PDE1C: variants seen among roughly 807,000 people sequenced by gnomAD.
The protein encoded by PDE1C is phosphodiesterase 1C, also known as dual specificity calcium/calmodulin-dependent 3',5'-cyclic nucleotide phosphodiesterase 1C.
PDE1C carries 62 observed loss-of-function variants against 93.1 expected under a neutral mutation model. The observed-to-expected ratio is 0.67, with a 90% confidence interval of 0.54 to 0.82. The LOEUF is 0.82. PDE1C is among the 40% of genes least tolerant of loss of function. The probability of loss-of-function intolerance (pLI) is 0.00; values close to 1 mark genes in which losing one functional copy is unlikely to be tolerated. For synonymous variants in PDE1C, 325 were observed against 310.1 expected (o/e 1.05, Z -0.50); for missense variants, 742 against 884.6 (o/e 0.84, Z 2.04).
intron 1 of PDE1C, among the ~76,000 whole-genome samples, chr7:32,426,826 A>G (rs955820837): frequency 3.9e-5 from 6 of 152,192 alleles, no homozygotes; most frequent in Non-Finnish European, 8.8e-5. Flanking sequence ...AGTAAGTTAA[A>G]CTGTAAGCCA....
In PDE1C at chr7:32,094,693, A is replaced by C. The variant is rs1178943360; in HGVS notation, c.308+75092T>G. The stretch of plus-strand genomic sequence containing the variant: ...TCCCTAAGGAAGAGTCCAGCGGTCC[A>C]TTCAGCAGTGAGTTCGTGATGATGG... On this transcript the variant is annotated intron_variant, in intron 3 of 18. Transcript: ENST00000396193. Among the ~76,000 whole-genome samples the C allele has an allele frequency of 2.0e-5, 3 of 152,216 alleles. No individual in the cohort carries two copies. In the East Asian group the frequency reaches 5.8e-4, roughly 29 times the overall value.
intron 7 of PDE1C, among the ~76,000 whole-genome samples, chr7:31,852,272 G>T (rs527473603): frequency 1.2e-3 from 176 of 152,238 alleles, no homozygotes; most frequent in African/African-American, 4.0e-3. Flanking sequence ...CTATACTTTT[G>T]AAAATGATTC....
intron 1 of PDE1C, among the ~76,000 whole-genome samples, chr7:32,361,009 T>C (rs572077526): frequency 2.0e-5 from 3 of 152,258 alleles, no homozygotes; most frequent in Admixed American, 6.5e-5. Flanking sequence ...ATTAGCTCTA[T>C]CCTATTTTAC....
At chr7:31,771,016 G>C (rs1795458634) in intron 17 of PDE1C, among the ~76,000 whole-genome samples, 5 of 151,962 alleles carry the variant, frequency 3.3e-5, no homozygotes, top group Admixed American at 2.6e-4. Flanking sequence ...TTCAGATTTT[G>C]AACCACTTCT....
At chr7:31,842,074 C>A (rs1791971533) in intron 9 of PDE1C, among the ~76,000 whole-genome samples, 2 of 152,124 alleles carry the variant, frequency 1.3e-5, no homozygotes, top group South Asian at 4.1e-4. Flanking sequence ...CAAAAACACC[C>A]TCACAGAAAC....
intron 15 of PDE1C, among the ~76,000 whole-genome samples, chr7:31,809,401 G>C (rs952394924): frequency 1.3e-5 from 2 of 152,118 alleles, no homozygotes; most frequent in African/African-American, 4.8e-5. Context: ...GGAGAAACCC[G>C]AGCTAACTGT....
intron 3 of PDE1C, among the ~76,000 whole-genome samples, chr7:32,094,587 GA>G (rs1797648826): frequency 6.6e-6 from 1 of 152,204 alleles, no homozygotes; most frequent in African/African-American, 2.4e-5. Flanking sequence ...GTGGCTAAGA[GA>G]GTGCCAACCA....
the PDE1C span, among the ~76,000 whole-genome samples, chr7:31,725,709 G>C: frequency 6.6e-6 from 1 of 152,196 alleles, no homozygotes. Context: ...GGGGGAAACT[G>C]GGTGAAGGGT....
intron 3 of PDE1C, among the ~76,000 whole-genome samples, chr7:32,166,653 T>C (rs1393256179): frequency 6.6e-6 from 1 of 152,182 alleles, no homozygotes; most frequent in Non-Finnish European, 1.5e-5. Context: ...CCAAAATCTT[T>C]ATTTCTAAGT....
intron 2 of PDE1C, among the ~76,000 whole-genome samples, chr7:31,981,524 C>G (rs976009970): frequency 6.6e-6 from 1 of 152,142 alleles, no homozygotes; most frequent in Non-Finnish European, 1.5e-5. Flanking sequence ...ACAAATCTCC[C>G]TGGATTTTCA....
intron 13 of PDE1C, 96 bp downstream of exon 13, chr7:31,824,771 C>G (rs1266037489): frequency 6.7e-7 from 1 of 1,489,562 alleles, no homozygotes; most frequent in Non-Finnish European, 9.2e-7. Flanking sequence ...AAGGCAAATG[C>G]CATTATGAAA....
At chr7:31,652,621 A>G in the PDE1C span, 1 of 1,613,638 alleles carries the variant, frequency 6.2e-7, no homozygotes, top group South Asian at 1.1e-5. Flanking sequence ...TCTAAAATCC[A>G]CCCAGGCATG....
chr7:31,912,321 C>T (rs1233924245), intron 2 of PDE1C, among the ~76,000 whole-genome samples: 3 of 152,210 alleles, frequency 2.0e-5, no homozygotes, highest in South Asian at 2.1e-4. Context: ...TTCATTTGCT[C>T]AAAACCATGC....
chr7:32,078,091 C>G, intron 3 of PDE1C: 1 of 923,020 alleles, frequency 1.1e-6, no homozygotes, highest in Non-Finnish European at 1.3e-6. Flanking sequence ...ACTGCTGATG[C>G]TACAAGTCAG....
At chr7:32,297,943 A>C in intron 1 of PDE1C, among the ~76,000 whole-genome samples, 4 of 118,922 alleles carry the variant, frequency 3.4e-5, no homozygotes, top group African/African-American at 3.3e-5. Context: ...CTTTTATAGA[A>C]ACTATTGTTC....
intron 1 of PDE1C, among the ~76,000 whole-genome samples, chr7:32,390,495 T>C (rs914954763): frequency 8.1e-5 from 12 of 148,158 alleles, no homozygotes; most frequent in Admixed American, 2.1e-4. Flanking sequence ...TGGCCAAATA[T>C]GTCAGTAGTG....
chr7:31,854,479 TCACAA>T (rs1793749488), intron 7 of PDE1C, among the ~76,000 whole-genome samples: 1 of 152,166 alleles, frequency 6.6e-6, no homozygotes, highest in South Asian at 2.1e-4. Context: ...AATATGAGTG[TCACAA>T]CTAGTTCATT....
chr7:32,014,421 A>T (rs944749995), intron 2 of PDE1C, among the ~76,000 whole-genome samples: 2 of 152,178 alleles, frequency 1.3e-5, no homozygotes, highest in African/African-American at 4.8e-5. Context: ...ATACACTCTC[A>T]AGAACTTTTA....
rs145393572 is a variant in PDE1C, at chr7:32,145,330, C to T, written c.308+24455G>A. On this transcript the variant is annotated intron_variant, in intron 3 of 18. Coordinates refer to the PDE1C transcript ENST00000396193. Reference sequence around the variant, plus strand: ...TAGCTACTTATTAAATAAAGGACAACAACAGAGTAATGATGCTTCAGGTTT... The same window carrying T: ...TAGCTACTTATTAAATAAAGGACAATAACAGAGTAATGATGCTTCAGGTTT... Among the ~76,000 whole-genome samples the T allele has an allele frequency of 1.0e-3, 152 of 152,284 alleles. No individual in the cohort carries two copies. In the South Asian group the frequency reaches 0.019, roughly 19 times the overall value.
Sources: allele counts gnomAD v4.1 joint callset (sites outside exome capture counted in the v4.1 genomes callset), GRCh38; gene constraint gnomAD v4.1.1; transcripts MANE v1.5; gene names NCBI Gene and HGNC (gene_info 2026-07-23, HGNC 2026-07-21).